CTNNA2: variants seen among roughly 807,000 people sequenced by gnomAD.
CTNNA2 encodes the protein catenin alpha-2.
CTNNA2 carries 42 observed loss-of-function variants against 101.0 expected under a neutral mutation model. The ratio of observed to expected loss-of-function variants is 0.42; its 90% CI spans 0.32 to 0.54. The LOEUF (loss-of-function observed/expected upper bound fraction) is 0.54. CTNNA2 is among the 20% of genes least tolerant of loss of function. The pLI, the probability that CTNNA2 is intolerant of heterozygous loss-of-function variation, is 0.14. For missense variants in CTNNA2, 871 were observed against 1,223.1 expected (o/e 0.71, Z 4.29); for synonymous variants, 450 against 456.4 (o/e 0.99, Z 0.18).
intron 7 of CTNNA2, among the ~76,000 whole-genome samples, chr2:80,026,521 C>T (rs1694938940): frequency 6.6e-6 from 1 of 152,100 alleles, no homozygotes; most frequent in African/African-American, 2.4e-5. Context: ...AACAGAGAGG[C>T]CTGCAGCAAA....
chr2:79,708,027 A>C (rs1685498415), intron 2 of CTNNA2, among the ~76,000 whole-genome samples: 1 of 152,192 alleles, frequency 6.6e-6, no homozygotes, highest in African/African-American at 2.4e-5. Flanking sequence ...GTAAATTATT[A>C]AATTATAGAC....
At chr2:79,338,148 A>G (rs560849039) in intron 3 of CTNNA2, among the ~76,000 whole-genome samples, 5 of 150,920 alleles carry the variant, frequency 3.3e-5, no homozygotes, top group African/African-American at 1.2e-4. Context: ...CGGGAGGCTG[A>G]GGCAGGAGAA....
intron 3 of CTNNA2, among the ~76,000 whole-genome samples, chr2:79,772,951 A>T (rs886501665): frequency 6.6e-6 from 1 of 152,246 alleles, no homozygotes; most frequent in Non-Finnish European, 1.5e-5. Context: ...TCTATCAAAC[A>T]TAACATTTTA....
At chr2:79,726,556 A>G (rs1429972631) in intron 2 of CTNNA2, among the ~76,000 whole-genome samples, 2 of 152,154 alleles carry the variant, frequency 1.3e-5, no homozygotes, top group Non-Finnish European at 2.9e-5. Context: ...TCTGAGGTGG[A>G]GCAGTTTCAT....
At chr2:79,959,802 A>T (rs776071931) in intron 7 of CTNNA2, among the ~76,000 whole-genome samples, 21 of 152,218 alleles carry the variant, frequency 1.4e-4, no homozygotes, top group Non-Finnish European at 2.1e-4. Flanking sequence ...TCTGCTAGGC[A>T]CTTGGTTGGA....
At chr2:79,513,288 C>G (rs937954560) in intron 1 of CTNNA2, 81 bp downstream of exon 1, 13 of 149,638 alleles carry the variant, frequency 8.7e-5, no homozygotes, top group African/African-American at 3.2e-4. Context: ...CATCCTCCCC[C>G]CTCCCCGCTC....
chr2:79,693,342 A>G (rs1684444442), intron 2 of CTNNA2, among the ~76,000 whole-genome samples: 1 of 152,012 alleles, frequency 6.6e-6, no homozygotes, highest in African/African-American at 2.4e-5. Flanking sequence ...TTTCAAAACT[A>G]TGGAAAACTT....
intron 2 of CTNNA2, among the ~76,000 whole-genome samples, chr2:79,294,236 GAA>G (rs1675912791): frequency 6.6e-6 from 1 of 150,776 alleles, no homozygotes; most frequent in East Asian, 1.9e-4. Flanking sequence ...AGAAGAAGAA[GAA>G]GAGGAGGAGG....
rs571886286 is a variant in CTNNA2, at chr2:80,057,214, G to A, written c.1056+147417G>A. ...TTAAGGAAGACTGAGACATAACTCT[G>A]TAGATTCAAGATTAGACCTCCCCCT... On this transcript the variant is annotated intron_variant, in intron 7 of 18. Coordinates refer to ENST00000402739, the MANE Select transcript of CTNNA2 (RefSeq NM_001282597.3). Among the ~76,000 whole-genome samples the A allele has an allele frequency of 1.3e-3, 194 of 146,992 alleles. 1 individual carries two copies. The highest frequency in any genetic ancestry group is 4.7e-3 in the African/African-American group (185 of 39,344).
chr2:79,626,290 C>CCTGA (rs1411959300), intron 1 of CTNNA2, among the ~76,000 whole-genome samples: 5 of 152,062 alleles, frequency 3.3e-5, no homozygotes, highest in African/African-American at 1.2e-4. Context: ...AGAACAGAGG[C>CCTGA]TTCAGGCAAG....
At chr2:79,891,112 C>T (rs1041186316) in intron 6 of CTNNA2, among the ~76,000 whole-genome samples, 1 of 151,726 alleles carries the variant, frequency 6.6e-6, no homozygotes, top group Non-Finnish European at 1.5e-5. Flanking sequence ...ATAAAAAGCG[C>T]AGATCTTTAC....
At chr2:80,144,155 A>T (rs1703184756) in intron 7 of CTNNA2, among the ~76,000 whole-genome samples, 2 of 152,172 alleles carry the variant, frequency 1.3e-5, no homozygotes, top group Admixed American at 6.6e-5. Flanking sequence ...AGGAAGCTTG[A>T]GGTACGTAGA....
intron 2 of CTNNA2, among the ~76,000 whole-genome samples, chr2:79,220,279 A>T (rs1674325844): frequency 6.6e-6 from 1 of 152,146 alleles, no homozygotes; most frequent in Admixed American, 6.5e-5. Context: ...TCTTATTCCA[A>T]CTAAGTTTGG....
At chr2:80,385,784 T>G (rs933614695) in intron 7 of CTNNA2, among the ~76,000 whole-genome samples, 1 of 152,128 alleles carries the variant, frequency 6.6e-6, no homozygotes, top group African/African-American at 2.4e-5. Flanking sequence ...GGGTCTATTT[T>G]TGGAGACTCC....
intron 4 of CTNNA2, among the ~76,000 whole-genome samples, chr2:79,395,035 T>C (rs539124067): frequency 1.3e-5 from 2 of 152,266 alleles, no homozygotes; most frequent in East Asian, 3.9e-4. Context: ...TTATTAACCA[T>C]GCCTCTGTGA....
chr2:80,644,399 AAG>A (rs1400967894), intron 18 of CTNNA2, among the ~76,000 whole-genome samples: 8 of 152,146 alleles, frequency 5.3e-5, no homozygotes, highest in African/African-American at 1.7e-4. Flanking sequence ...TAAGTCACAA[AAG>A]AGAATGCAAC....
intron 2 of CTNNA2, among the ~76,000 whole-genome samples, chr2:79,660,906 G>T (rs1681991712): frequency 6.6e-6 from 1 of 152,206 alleles, no homozygotes; most frequent in African/African-American, 2.4e-5. Flanking sequence ...TGTAATGCAT[G>T]TATGTTTATC....
At chr2:80,519,579 G>A (rs1689363973) in intron 9 of CTNNA2, among the ~76,000 whole-genome samples, 1 of 152,198 alleles carries the variant, frequency 6.6e-6, no homozygotes, top group South Asian at 2.1e-4. Flanking sequence ...GCACAGCTCT[G>A]AGCAATAGAG....
chr2:79,584,917 G>T lies in CTNNA2; in HGVS notation c.-5-66635G>T, dbSNP rs186999852. Among the ~76,000 whole-genome samples, 164 of 152,284 alleles carry T rather than the reference G, an allele frequency of 1.1e-3. 1 individual carries two copies. Among genetic ancestry groups the T allele is most frequent in the African/African-American group, 3.6e-3 (149 of 41,560 alleles). ...ATCCGGAACAATTTTTTAAAAGCTG[G>T]TAGTTTTAAAAGCTGGTAGTATTTT... On this transcript the variant is annotated intron_variant, in intron 1 of 18. Coordinates refer to ENST00000402739, the MANE Select transcript of CTNNA2 (RefSeq NM_001282597.3).
Sources: allele counts gnomAD v4.1 joint callset (sites outside exome capture counted in the v4.1 genomes callset), GRCh38; gene constraint gnomAD v4.1.1; transcripts MANE v1.5; gene names NCBI Gene and HGNC (gene_info 2026-07-23, HGNC 2026-07-21).